Variants in RIMBP2 observed in about 807,000 individuals in gnomAD.
RIMBP2 encodes RIMS binding protein 2.
RIMBP2 carries 48 observed loss-of-function variants against 118.6 expected under a neutral mutation model. The observed-to-expected ratio is 0.40, with a 90% CI of 0.32 to 0.51. The LOEUF (loss-of-function observed/expected upper bound fraction) is 0.51. RIMBP2 is among the 20% of genes least tolerant of loss of function. The pLI, the probability that RIMBP2 is intolerant of heterozygous loss-of-function variation, is 0.41. For synonymous variants in RIMBP2, 762 were observed against 742.9 expected (o/e 1.03, Z -0.42); for missense variants, 1,551 against 1,768.3 (o/e 0.88, Z 2.20).
intron 2 of RIMBP2, among the ~76,000 whole-genome samples, chr12:130,610,974 C>T (rs1010638930): frequency 2.1e-4 from 32 of 152,206 alleles, no homozygotes; most frequent in Admixed American, 9.8e-4. Flanking sequence ...ACTCTGCCTC[C>T]GAGTTCCCTC....
At chr12:130,421,689 A>ATGTGTGTGTG (rs1336875443) in intron 17 of RIMBP2, among the ~76,000 whole-genome samples, 15,487 of 106,316 alleles carry the variant, frequency 0.15, 937 homozygotes, top group Non-Finnish European at 0.17. Flanking sequence ...CCCTGCATTT[A>ATGTGTGTGTG]TATGTGTGTG....
intron 2 of RIMBP2, among the ~76,000 whole-genome samples, chr12:130,626,076 T>A (rs1456803094): frequency 2.0e-5 from 3 of 152,238 alleles, no homozygotes; most frequent in Non-Finnish European, 4.4e-5. Flanking sequence ...TTTTCAGGAA[T>A]CTTACCCACC....
chr12:130,447,093 G>C lies in RIMBP2; in HGVS notation c.582-1824C>G, dbSNP rs2137272335. Among the ~76,000 whole-genome samples the C allele has an allele frequency of 6.6e-6, 1 of 151,842 alleles. No homozygotes were observed. The highest frequency in any genetic ancestry group is 2.1e-4 in the South Asian group (1 of 4,768). On this transcript the variant is annotated intron_variant, in intron 9 of 22. Transcript: ENST00000690449. This position sits in a 1 kb window ranked among gnomAD's most constrained non-coding sequence, Gnocchi z 4.4. ...TCTCGGAGGAGGAGGAGGAGGAGGA[G>C]GGAGCGAGAGGAACAGGAGCCCCCA...
At chr12:130,416,115 A>C (rs950848549) in intron 17 of RIMBP2, among the ~76,000 whole-genome samples, 3 of 152,084 alleles carry the variant, frequency 2.0e-5, no homozygotes, top group African/African-American at 7.2e-5. Flanking sequence ...TTCCATGCTC[A>C]TGGGTTAGAA....
intron 1 of RIMBP2, among the ~76,000 whole-genome samples, chr12:130,711,750 T>A (rs1170050413): frequency 6.6e-6 from 1 of 152,258 alleles, no homozygotes; most frequent in Non-Finnish European, 1.5e-5. Context: ...TGTGACTGGC[T>A]TGTTCAAAGA....
chr12:130,439,646 T>G (rs1470707423), intron 11 of RIMBP2, among the ~76,000 whole-genome samples: 22 of 57,384 alleles, frequency 3.8e-4, no homozygotes, highest in Non-Finnish European at 4.7e-4. Flanking sequence ...TGGGTGTGTG[T>G]GGGGGGGATG....
chr12:130,589,517 G>A (rs529868094), intron 2 of RIMBP2, among the ~76,000 whole-genome samples: 1 of 152,234 alleles, frequency 6.6e-6, no homozygotes, highest in Non-Finnish European at 1.5e-5. Context: ...CGAGATGAAG[G>A]CTATGGCTTC....
intron 2 of RIMBP2, among the ~76,000 whole-genome samples, chr12:130,540,564 G>A (rs185692794): frequency 4.6e-5 from 7 of 152,192 alleles, no homozygotes; most frequent in South Asian, 2.1e-4. Context: ...CCAGGTCACC[G>A]CATCTGGACA....
In RIMBP2 at chr12:130,448,360, G is replaced by A. The variant is rs938539211; in HGVS notation, c.581+1840C>T. On this transcript the variant is annotated intron_variant, in intron 9 of 22. Transcript: ENST00000690449. The stretch of plus-strand genomic sequence containing the variant: ...CCCTCTCCATAGAAGTGGCAGGAAC[G>A]CAAACCCAGTGGCCCTCTGAGGTTG... Among the ~76,000 whole-genome samples the A allele has an allele frequency of 5.9e-5, 9 of 152,290 alleles. No individual in the cohort carries two copies. The East Asian group carries it at 1.5e-3, about 26-fold the overall frequency.
At chr12:130,519,140 C>T (rs2051798795) in intron 2 of RIMBP2, among the ~76,000 whole-genome samples, 1 of 152,234 alleles carries the variant, frequency 6.6e-6, no homozygotes, top group South Asian at 2.1e-4. Context: ...ACACCCACAT[C>T]TTGAATTGAT....
intron 7 of RIMBP2, among the ~76,000 whole-genome samples, chr12:130,452,145 A>C (rs761587599): frequency 6.6e-6 from 1 of 152,156 alleles, no homozygotes; most frequent in Non-Finnish European, 1.5e-5. Flanking sequence ...TTCCTTCCCA[A>C]GCTCTCCGCT....
chr12:130,533,327 G>A (rs138386707), intron 2 of RIMBP2, among the ~76,000 whole-genome samples: 2 of 152,192 alleles, frequency 1.3e-5, no homozygotes, highest in African/African-American at 4.8e-5. Context: ...TCACTAATCA[G>A]AGAAATGCAA....
rs370819788 is a variant in RIMBP2 at position 130,455,591 on chromosome 12, C to T, written c.358+905G>A. ...GGGAAGGGCATGGGAAGGCGTGGGACGAGCGGAGAGGCAGGAGAATGTTTT... is the reference window on the plus strand; with the variant it reads ...GGGAAGGGCATGGGAAGGCGTGGGATGAGCGGAGAGGCAGGAGAATGTTTT... On this transcript the variant is annotated intron_variant, in intron 7 of 22. Coordinates refer to ENST00000690449, the MANE Select transcript of RIMBP2 (RefSeq NM_001393629.1). Among the ~76,000 whole-genome samples, 10 of 152,282 alleles carry T rather than the reference C, an allele frequency of 6.6e-5. No homozygotes were observed. The East Asian group carries it at 7.7e-4, about 12-fold the overall frequency.
At chr12:130,609,716 A>G (rs765901377) in intron 2 of RIMBP2, among the ~76,000 whole-genome samples, 2 of 152,214 alleles carry the variant, frequency 1.3e-5, no homozygotes, top group Non-Finnish European at 2.9e-5. Context: ...TGCAAGCTTG[A>G]GAACTGCAGA....
intron 4 of RIMBP2, among the ~76,000 whole-genome samples, chr12:130,482,808 T>C (rs981560830): frequency 1.4e-5 from 2 of 144,434 alleles, no homozygotes; most frequent in African/African-American, 5.2e-5. Context: ...ACACCCATTG[T>C]GTGTGTACAT....
chr12:130,540,537 C>A (rs2054512415), intron 2 of RIMBP2, among the ~76,000 whole-genome samples: 1 of 152,170 alleles, frequency 6.6e-6, no homozygotes, highest in Admixed American at 6.5e-5. Flanking sequence ...CAGATAGCAT[C>A]ATGGAACTGA....
chr12:130,659,533 C>T (rs1339045590), intron 1 of RIMBP2, among the ~76,000 whole-genome samples: 3 of 150,476 alleles, frequency 2.0e-5, no homozygotes, highest in Non-Finnish European at 1.5e-5. Context: ...CATGCCACTG[C>T]ACTCCAGCCT....
intron 4 of RIMBP2, among the ~76,000 whole-genome samples, chr12:130,496,255 A>G (rs1390424655): frequency 6.6e-6 from 1 of 152,168 alleles, no homozygotes. Flanking sequence ...AGGTTTTATC[A>G]GTGGAAACCC....
rs1176460741 is a variant in RIMBP2 at position 130,688,017 on chromosome 12, G to A, written c.-352+28205C>T. ...ATGAGCCCAAAGACCTGACAATCTC[G>A]GCCAACAGCTCAGATCAACTATTGT... On this transcript the variant is annotated intron_variant, in intron 1 of 22. Transcript: ENST00000690449. The surrounding 1 kb of genome is among the most constrained non-coding windows in gnomAD (Gnocchi z 4.7). Among the ~76,000 whole-genome samples the A allele has an allele frequency of 6.6e-6, 1 of 152,150 alleles. No individual in the cohort carries two copies. Among genetic ancestry groups the A allele is most frequent in the Non-Finnish European group, 1.5e-5 (1 of 68,026 alleles).
Sources: allele counts gnomAD v4.1 joint callset (sites outside exome capture counted in the v4.1 genomes callset), GRCh38; gene constraint gnomAD v4.1.1; non-coding constraint Gnocchi (gnomAD v3.1); transcripts MANE v1.5; gene names NCBI Gene and HGNC (gene_info 2026-07-23, HGNC 2026-07-21).